The following MUC5AC variants were observed in gnomAD, a reference collection of about 807,000 sequenced individuals.
MUC5AC encodes the protein mucin 5AC, oligomeric mucus/gel-forming, also known as mucin-5AC.
MUC5AC carries 158 observed loss-of-function variants against 169.7 expected under a neutral mutation model. The ratio of observed to expected loss-of-function variants is 0.93; its 90% confidence interval spans 0.82 to 1.06. MUC5AC has a LOEUF of 1.06. MUC5AC is among the 50% of genes least tolerant of loss of function. The pLI is 0.00. For synonymous variants in MUC5AC, 1,975 were observed against 1,237.0 expected, an observed-to-expected ratio of 1.60 and a Z score of -12.52; for missense variants, 4,359 against 3,089.9, an observed-to-expected ratio of 1.41 and a Z score of -9.74.
At position 1,161,534 on chromosome 11, in the gene MUC5AC, G is replaced by A. The variant is rs1305696726; in HGVS notation, c.159G>A (p.Pro53=). ...SPIARGPSGV[P]LRGATVFPSL... ...CAGCCCCTGTCTCCGCAGGGGTCCC[G>A]CTCCGTGGGGCGACTGTCTTCCCAT... The change falls in exon 3 of 49, where the codon CCG becomes CCA. Residue 53 remains proline, a synonymous_variant. Transcript: ENST00000621226. 1.1e-5 allele frequency: 18 copies of A among 1,607,192 alleles called. No homozygotes were observed. Among genetic ancestry groups the A allele is most frequent in the Admixed American group, 5.0e-5 (3 of 59,702 alleles).
At chr11:1,169,460 TCACTCACTCACC>T (rs1254928052) in intron 15 of MUC5AC, among the ~76,000 whole-genome samples, 2 of 86,802 alleles carry the variant, frequency 2.3e-5, no homozygotes, top group Non-Finnish European at 4.6e-5. Flanking sequence ...CTCACTCACC[TCACTCACTCACC>T]CACTCACTCA....
At chr11:1,160,408 A>T (rs2133712112) in intron 1 of MUC5AC, among the ~76,000 whole-genome samples, 1 of 152,098 alleles carries the variant, frequency 6.6e-6, no homozygotes, top group South Asian at 2.1e-4. Flanking sequence ...ATGCTCCTGG[A>T]GGGTCTGGGC....
Position 1,161,947 on chromosome 11 carries a change from G to A in MUC5AC, c.252G>A (p.Trp84Ter). 1 of 1,612,048 alleles carries A rather than the reference G, an allele frequency of 6.2e-7. No homozygotes were observed. The highest frequency in any genetic ancestry group is 8.5e-7 in the Non-Finnish European group (1 of 1,179,650). The change falls in exon 4 of 49, where the codon TGG (tryptophan) becomes TGA (stop). Residue 84 changes from tryptophan (W) to a stop codon, truncating the protein, a stop_gained. Coordinates refer to ENST00000621226, the MANE Select transcript of MUC5AC (RefSeq NM_001304359.2). LOFTEE classifies it high-confidence loss of function. ...ACAACGGGCGGGTGTGCAGCACCTG[G>A]GGCAGCTTCCACTACAAGACCTTCG... Reference protein sequence around the residue: ...PAHNGRVCSTWGSFHYKTFDG... With the variant: ...PAHNGRVCST
chr11:1,199,964 T>G lies in MUC5AC; in HGVS notation c.16695T>G (p.Ser5565=). 1 of 761,836 alleles carries G rather than the reference T, an allele frequency of 1.3e-6. No individual in the cohort carries two copies. The highest frequency in any genetic ancestry group is 1.4e-5 in the South Asian group (1 of 73,928). The allele number at this position is 761,836 out of a possible 1,614,324, so 47.2% of individuals were successfully genotyped here. A position where few individuals can be genotyped will look rare whatever the true frequency, so the allele number is the denominator to read the frequency against. The part of the protein sequence containing the change: ...AYCRGNCGDS[S]SMYSLEGNTV... ...GCCGGGGGAACTGTGGGGACAGCTC[T>G]TCCATGTACGTGCCTGGGCAGCAGG... Residue 5565 remains serine, a synonymous_variant, in exon 48 of 49, where the codon TCT becomes TCG. Coordinates refer to ENST00000621226, the MANE Select transcript of MUC5AC (RefSeq NM_001304359.2).
In MUC5AC at chr11:1,193,563, A is replaced by G. The variant is rs1861179050; in HGVS notation, c.14659A>G (p.Thr4887Ala). ...GNNVISLRPR[T>A]CPRVEKPTCA... Reference sequence around the variant, plus strand: ...CAACGTCATCTCCCTGCGCCCGCGCACGTGCCCGAGGGTGGAGAAGCCCAC... The same window carrying G: ...CAACGTCATCTCCCTGCGCCCGCGCGCGTGCCCGAGGGTGGAGAAGCCCAC... The change falls in exon 33 of 49, where the codon ACG (threonine) becomes GCG (alanine). Residue 4887 changes from threonine (T) to alanine (A), a missense_variant. Thr to Ala is a moderately conservative substitution (Grantham distance 58). Coordinates refer to ENST00000621226, the MANE Select transcript of MUC5AC (RefSeq NM_001304359.2). 1.3e-6 allele frequency: 1 copy of G among 764,622 alleles called. No individual in the cohort carries two copies. The highest frequency in any genetic ancestry group is 1.7e-5 in the Admixed American group (1 of 58,962). 47.4% of individuals were successfully genotyped at this position (764,622 alleles called of 1,614,324 possible).
In MUC5AC at chr11:1,164,533, G is replaced by T; in HGVS notation, c.1129+1G>T. On this transcript the variant is annotated splice_donor_variant, in intron 9 of 48. Transcript: ENST00000621226. LOFTEE classifies it high-confidence loss of function. ...GTGGCCGGCTGCTTCTGCCCTGAGG[G>T]TGAGGCTCCCCCGCCCCTGGGAAAC... 1 of 1,606,932 alleles carries T rather than the reference G, an allele frequency of 6.2e-7. No homozygotes were observed. Among genetic ancestry groups the T allele is most frequent in the Non-Finnish European group, 8.5e-7 (1 of 1,177,282 alleles).
Position 1,196,896 on chromosome 11 carries a change from A to G in MUC5AC, c.15849A>G (p.Gly5283=), listed in dbSNP as rs758830131. Reference sequence around the variant, plus strand: ...TTCCAGGGTGTCTGGGGCCCCACGGAGAGCCGGTGAAGGTGAGTGGAAGGC... The same window carrying G: ...TTCCAGGGTGTCTGGGGCCCCACGGGGAGCCGGTGAAGGTGAGTGGAAGGC... ...TGCPRCLGPH[G]EPVKVGHTVG... The change falls in exon 40 of 49, where the codon GGA becomes GGG. Residue 5283 remains glycine, a synonymous_variant. Coordinates refer to ENST00000621226, the MANE Select transcript of MUC5AC (RefSeq NM_001304359.2). 1.3e-6 allele frequency: 1 copy of G among 763,566 alleles called. No homozygotes were observed. The highest frequency in any genetic ancestry group is 1.7e-5 in the Admixed American group (1 of 58,872). 47.3% of individuals were successfully genotyped at this position (763,566 alleles called of 1,614,324 possible). A position where few individuals can be genotyped will look rare whatever the true frequency, so the allele number is the denominator to read the frequency against.
chr11:1,194,107 C>T lies in MUC5AC; in HGVS notation c.14756-3C>T. On this transcript the variant is annotated splice_polypyrimidine_tract_variant and splice_region_variant and intron_variant, in intron 33 of 48. Transcript: ENST00000621226. Reference sequence around the variant, plus strand: ...CCGTAAGGCTGCCCCTGGGGCCTGGCAGGTGTGTGCAGCGGCTGGGGTGAC... The same window carrying T: ...CCGTAAGGCTGCCCCTGGGGCCTGGTAGGTGTGTGCAGCGGCTGGGGTGAC... 1 of 764,242 alleles carries T rather than the reference C, an allele frequency of 1.3e-6. No individual in the cohort carries two copies. The highest frequency in any genetic ancestry group is 2.4e-6 in the Non-Finnish European group (1 of 417,212). 47.3% of individuals were successfully genotyped at this position (764,242 alleles called of 1,614,324 possible). A position where few individuals can be genotyped will look rare whatever the true frequency, so the allele number is the denominator to read the frequency against.
chr11:1,162,036 C>A lies in MUC5AC; in HGVS notation c.341C>A (p.Ala114Asp). Residue 114 changes from alanine to aspartate, a missense_variant, in exon 4 of 49, where the codon GCC becomes GAC. Transcript: ENST00000621226. ...GTGTTCTCCGAGCACTGCGGTGCCG[C>A]CTACGAGGATTTTAACATCCAGCTA... ...NYVFSEHCGA[A>D]YEDFNIQLRR... 1 of 1,612,644 alleles carries A rather than the reference C, an allele frequency of 6.2e-7. No homozygotes were observed. Among genetic ancestry groups the A allele is most frequent in the South Asian group, 1.1e-5 (1 of 91,054 alleles).
chr11:1,163,891 T>C lies in MUC5AC; in HGVS notation c.689T>C (p.Leu230Pro). The C allele has an allele frequency of 6.2e-7, 1 of 1,607,286 alleles. No individual in the cohort carries two copies. Among genetic ancestry groups the C allele is most frequent in the Non-Finnish European group, 8.5e-7 (1 of 1,177,806 alleles). ...TCTGTGCTTGCCGCAGACACCAAGC[T>C]GACACCCATGGAATTCGGGAACCTG... ...VSELLSHNTK[L>P]TPMEFGNLQK... Residue 230 changes from leucine to proline, a missense_variant, in exon 7 of 49, where the codon CTG becomes CCG. By Grantham distance (98) the Leu-to-Pro change is moderately conservative (BLOSUM62 -3). Coordinates refer to ENST00000621226, the MANE Select transcript of MUC5AC (RefSeq NM_001304359.2).
At chr11:1,167,069 A>C (rs28570133) in intron 11 of MUC5AC, among the ~76,000 whole-genome samples, 1 of 40,234 alleles carries the variant, frequency 2.5e-5, no homozygotes, top group African/African-American at 7.6e-5. Context: ...CCCTGCACCC[A>C]ACACACAGTC....
intron 45 of MUC5AC, 37 bp downstream of exon 45, chr11:1,199,222 C>T (rs770681737): frequency 6.8e-6 from 5 of 734,502 alleles, no homozygotes; most frequent in Middle Eastern, 2.5e-4. Flanking sequence ...AGGGCAGGGT[C>T]TGGGAGCACT....
In MUC5AC at chr11:1,190,663, C is replaced by A; in HGVS notation, c.12518C>A (p.Pro4173His). The A allele has an allele frequency of 1.4e-6, 1 of 694,468 alleles. No homozygotes were observed. Among genetic ancestry groups the A allele is most frequent in the Non-Finnish European group, 2.6e-6 (1 of 380,338 alleles). The allele number at this position is 694,468 out of a possible 1,614,324, so 43.0% of individuals were successfully genotyped here. A position where few individuals can be genotyped will look rare whatever the true frequency, so the allele number is the denominator to read the frequency against. Reference protein sequence around the residue: ...SAPTTSTNSAPTTSTISASTT... With the variant: ...SAPTTSTNSAHTTSTISASTT... The stretch of plus-strand genomic sequence containing the variant: ...CCAACAACCAGCACAAACTCTGCTC[C>A]TACAACCAGCACAATCTCTGCCTCT... Residue 4173 changes from proline (P) to histidine (H), a missense_variant, in exon 31 of 49, where the codon CCT (proline) becomes CAT (histidine). Pro to His is a moderately conservative substitution (Grantham distance 77). Coordinates refer to ENST00000621226, the MANE Select transcript of MUC5AC (RefSeq NM_001304359.2).
chr11:1,199,566 G>A (rs1861370440), intron 46 of MUC5AC, 76 bp downstream of exon 46: 2 of 694,632 alleles, frequency 2.9e-6, no homozygotes, highest in Non-Finnish European at 5.3e-6. Flanking sequence ...GATCATCCCT[G>A]CAGCGCCAGC....
chr11:1,170,470 C>T, intron 15 of MUC5AC, among the ~76,000 whole-genome samples: 1 of 140,108 alleles, frequency 7.1e-6, no homozygotes, highest in Admixed American at 7.0e-5. Flanking sequence ...CCGACTCACC[C>T]ATTCACCCAC....
chr11:1,175,800 C>CCACGCATGCACACA (rs1554926826), intron 19 of MUC5AC, among the ~76,000 whole-genome samples: 43 of 34,154 alleles, frequency 1.3e-3, no homozygotes, highest in Non-Finnish European at 1.3e-3. Flanking sequence ...GCACTCACAC[C>CCACGCATGCACACA]CACCCACTCA....
Position 1,186,764 on chromosome 11 carries a change from A to G in MUC5AC, c.8619A>G (p.Thr2873=). ...CAAGCAGCACAACCTCCACTGCTAC[A>G]ACCAGCACAACCTCTGGCCCTGGAA... The part of the protein sequence containing the change: ...VPTSSTTSTA[T]TSTTSGPGTT... The change falls in exon 31 of 49, where the codon ACA becomes ACG. Residue 2873 remains threonine (T), a synonymous_variant. Transcript: ENST00000621226. 1 of 739,568 alleles carries G rather than the reference A, an allele frequency of 1.4e-6. No individual in the cohort carries two copies. Among genetic ancestry groups the G allele is most frequent in the South Asian group, 1.4e-5 (1 of 71,124 alleles). 45.8% of individuals were successfully genotyped at this position (739,568 alleles called of 1,614,324 possible).
Position 1,185,607 on chromosome 11 carries a change from C to A in MUC5AC, c.7462C>A (p.Pro2488Thr), listed in dbSNP as rs1564914071. 10 of 730,736 alleles carry A rather than the reference C, an allele frequency of 1.4e-5. No homozygotes were observed. Among genetic ancestry groups the A allele is most frequent in the Admixed American group, 9.4e-5 (5 of 53,248 alleles). The allele number at this position is 730,736 out of a possible 1,614,324, so 45.3% of individuals were successfully genotyped here. The change falls in exon 31 of 49, where the codon CCT becomes ACT. Residue 2488 changes from proline to threonine, a missense_variant. By Grantham distance (38) the Pro-to-Thr change is conservative. Transcript: ENST00000621226. ...SAATTSTTSGPETTPRPVPTT... is the reference protein window; with the variant it reads ...SAATTSTTSGTETTPRPVPTT... ...CGCTACAACCAGCACAACCTCTGGT[C>A]CTGAAACTACTCCTAGACCTGTTCC... is the stretch of plus-strand genomic sequence containing the variant.
chr11:1,164,988 TCCCGGGCC>T (rs1860273324), intron 9 of MUC5AC, among the ~76,000 whole-genome samples: 3 of 130,478 alleles, frequency 2.3e-5, no homozygotes, highest in Middle Eastern at 4.5e-3. Context: ...GAGGCCCCTG[TCCCGGGCC>T]CCTGAGGCTG....
Sources: gnomAD v4.1 joint callset for allele counts (sites outside exome capture counted in the v4.1 genomes callset) on GRCh38, gnomAD v4.1.1 for gene constraint, MANE v1.5 for transcripts, NCBI Gene and HGNC (gene_info 2026-07-23, HGNC 2026-07-21) for gene names.